The following CADM2 variants were observed in gnomAD, a reference collection of about 807,000 sequenced individuals.
The protein encoded by CADM2 is immunoglobulin superfamily member 4D.
In CADM2, 12 loss-of-function variants were observed where a neutral mutation model predicts 49.8. The ratio of observed to expected loss-of-function variants is 0.24; its 90% CI spans 0.15 to 0.39. The LOEUF (loss-of-function observed/expected upper bound fraction) is 0.39, where lower values mean the gene tolerates loss of function less well. CADM2 is among the 10% of genes least tolerant of loss of function. The pLI is 1.00. For synonymous variants in CADM2, 214 were observed against 175.4 expected (o/e 1.22, Z -1.74); for missense variants, 378 against 492.3 (o/e 0.77, Z 2.20).
intron 1 of CADM2, among the ~76,000 whole-genome samples, chr3:85,582,996 A>AAG (rs763405089): frequency 3.3e-5 from 5 of 152,148 alleles, no homozygotes; most frequent in Admixed American, 6.6e-5. Context: ...TTAGGACTGA[A>AAG]AGAGATAAAT....
intron 1 of CADM2, among the ~76,000 whole-genome samples, chr3:85,401,662 T>A (rs991274939): frequency 6.6e-6 from 1 of 152,158 alleles, no homozygotes; most frequent in Non-Finnish European, 1.5e-5. Flanking sequence ...CCTATTGAAA[T>A]CTGGGTCTCT....
rs35092641 is a variant in CADM2, at chr3:85,250,018, T to C, written c.61+290350T>C. On this transcript the variant is annotated intron_variant, in intron 1 of 9. Coordinates refer to ENST00000383699, the MANE Select transcript of CADM2 (RefSeq NM_001167675.2). ...ATAAATTCATTATATTTGAACACTT[T>C]ATATTCATCAGTATTTTGTTAATAG... Among the ~76,000 whole-genome samples the C allele has an allele frequency of 7.1e-3, 1,082 of 151,984 alleles. 9 individuals are homozygous for C. Among genetic ancestry groups the C allele is most frequent in the Non-Finnish European group, 0.011 (759 of 67,766 alleles).
intron 1 of CADM2, among the ~76,000 whole-genome samples, chr3:85,601,887 T>C (rs1276913695): frequency 6.6e-6 from 1 of 151,804 alleles, no homozygotes; most frequent in Non-Finnish European, 1.5e-5. Context: ...CTTCTATTTA[T>C]GTATTTCAAT....
At chr3:85,681,224 A>T (rs1476214982) in intron 1 of CADM2, among the ~76,000 whole-genome samples, 1 of 152,148 alleles carries the variant, frequency 6.6e-6, no homozygotes, top group East Asian at 1.9e-4. Flanking sequence ...AACAAAATGC[A>T]TGGAAGAGAA....
intron 3 of CADM2, among the ~76,000 whole-genome samples, chr3:85,836,717 C>A (rs2074426238): frequency 6.6e-6 from 1 of 151,558 alleles, no homozygotes; most frequent in African/African-American, 2.4e-5. Context: ...CAAAGACAAT[C>A]CCTCCTGCAT....
chr3:85,607,617 T>A (rs1299098084), intron 1 of CADM2, among the ~76,000 whole-genome samples: 2 of 152,110 alleles, frequency 1.3e-5, no homozygotes, highest in Non-Finnish European at 2.9e-5. Context: ...CAACATTACC[T>A]ATACCCCATA....
At chr3:85,965,717 G>A (rs577000117) in intron 8 of CADM2, among the ~76,000 whole-genome samples, 2 of 151,598 alleles carry the variant, frequency 1.3e-5, no homozygotes, top group East Asian at 3.9e-4. Flanking sequence ...AATATAGGTT[G>A]AATATCTTGT....
intron 3 of CADM2, among the ~76,000 whole-genome samples, chr3:85,863,845 A>T (rs2075626721): frequency 6.6e-6 from 1 of 152,222 alleles, no homozygotes; most frequent in Non-Finnish European, 1.5e-5. Flanking sequence ...AGGACTTGTG[A>T]GGCTTGAATG....
chr3:85,394,300 A>G (rs912385454), intron 1 of CADM2, among the ~76,000 whole-genome samples: 1 of 152,142 alleles, frequency 6.6e-6, no homozygotes, highest in Non-Finnish European at 1.5e-5. Context: ...ACCATAATAA[A>G]TGCATAATTA....
At chr3:85,932,251 G>A (rs1354721982) in intron 6 of CADM2, among the ~76,000 whole-genome samples, 1 of 152,134 alleles carries the variant, frequency 6.6e-6, no homozygotes, top group Non-Finnish European at 1.5e-5. Flanking sequence ...GATGCTAGTG[G>A]TATCTATAGA....
At chr3:85,111,591 G>T (rs1050186208) in intron 1 of CADM2, among the ~76,000 whole-genome samples, 2 of 151,848 alleles carry the variant, frequency 1.3e-5, no homozygotes, top group Non-Finnish European at 2.9e-5. Context: ...GACAGAGAGT[G>T]TAGAAAGATG....
At chr3:85,771,576 A>G (rs1246095601) in intron 2 of CADM2, among the ~76,000 whole-genome samples, 1 of 152,122 alleles carries the variant, frequency 6.6e-6, no homozygotes, top group East Asian at 1.9e-4. Flanking sequence ...TTAAACAGAT[A>G]CTAAACATTT....
intron 1 of CADM2, among the ~76,000 whole-genome samples, chr3:85,531,509 T>A (rs1208208276): frequency 6.6e-6 from 1 of 152,186 alleles, no homozygotes; most frequent in Non-Finnish European, 1.5e-5. Flanking sequence ...CATACTAGTG[T>A]TTGATTTTCC....
intron 1 of CADM2, among the ~76,000 whole-genome samples, chr3:85,184,509 T>C (rs2041008082): frequency 6.6e-6 from 1 of 152,152 alleles, no homozygotes; most frequent in East Asian, 1.9e-4. Flanking sequence ...ATTTCTACTA[T>C]GTGCAAATTA....
chr3:85,941,495 G>C (rs973899905), intron 7 of CADM2, among the ~76,000 whole-genome samples: 3 of 152,022 alleles, frequency 2.0e-5, no homozygotes, highest in African/African-American at 7.2e-5. Flanking sequence ...AATAATAATA[G>C]TTATAAATTA....
At chr3:85,952,900 C>G (rs139160902) in intron 7 of CADM2, among the ~76,000 whole-genome samples, 1 of 151,014 alleles carries the variant, frequency 6.6e-6, no homozygotes, top group Non-Finnish European at 1.5e-5. Context: ...GGAATACTCA[C>G]TTCTCAAAAA....
At chr3:85,668,349 C>A (rs1251569566) in intron 1 of CADM2, among the ~76,000 whole-genome samples, 1 of 144,120 alleles carries the variant, frequency 6.9e-6, no homozygotes, top group Non-Finnish European at 1.5e-5. Flanking sequence ...CAAAAAAACA[C>A]CTCAAATAAA....
In CADM2 at chr3:85,380,447, A is replaced by G. The variant is rs539527629; in HGVS notation, c.62-346075A>G. The stretch of plus-strand genomic sequence containing the variant: ...TCTTAGAGTGTAGAAGTTAATTTAC[A>G]TACATATTATATGAAGCTATTAAGA... On this transcript the variant is annotated intron_variant, in intron 1 of 9. Transcript: ENST00000383699. Among the ~76,000 whole-genome samples, 12 of 152,098 alleles carry G rather than the reference A, an allele frequency of 7.9e-5. No individual in the cohort carries two copies. The South Asian group carries it at 2.5e-3, about 31-fold the overall frequency.
chr3:85,353,819 CT>C (rs1251954881), intron 1 of CADM2, among the ~76,000 whole-genome samples: 1 of 151,824 alleles, frequency 6.6e-6, no homozygotes, highest in African/African-American at 2.4e-5. Context: ...TTTGTCCTTG[CT>C]TTATAATGAA....
Sources: allele counts gnomAD v4.1 joint callset (sites outside exome capture counted in the v4.1 genomes callset), GRCh38; gene constraint gnomAD v4.1.1; transcripts MANE v1.5; gene names NCBI Gene and HGNC (gene_info 2026-07-23, HGNC 2026-07-21).